Variants in ERG observed in about 807,000 individuals in gnomAD.
The protein encoded by ERG is ETS transcription factor ERG, also known as transcriptional regulator ERG.
ERG carries 9 observed loss-of-function variants against 55.3 expected under a neutral mutation model. The observed-to-expected ratio is 0.16, with a 90% CI of 0.10 to 0.28. The LOEUF (loss-of-function observed/expected upper bound fraction) is 0.28. ERG is among the 10% of genes least tolerant of loss of function. ERG has a pLI of 1.00. For synonymous variants in ERG, 223 were observed against 237.3 expected (o/e 0.94, Z 0.55); for missense variants, 434 against 631.6 (o/e 0.69, Z 3.35).
At position 38,616,448 on chromosome 21, in the gene ERG, A is replaced by C. The variant is rs536480701; in HGVS notation, c.-149-31503T>G. The stretch of plus-strand genomic sequence containing the variant: ...TAATTTTGCATACCTTTGAACTGAG[A>C]CTCAGAAAAAAATGTTTTCATGAAT... On this transcript the variant is annotated intron_variant, in intron 1 of 10. Transcript: ENST00000398910. 9.2e-5 allele frequency among the ~76,000 whole-genome samples: 14 copies of C among 152,144 alleles called. No homozygotes were observed. In the East Asian group the frequency reaches 2.7e-3, roughly 29 times the overall value.
At chr21:38,467,943 T>G (rs2059105069) in intron 1 of ERG, among the ~76,000 whole-genome samples, 1 of 152,238 alleles carries the variant, frequency 6.6e-6, no homozygotes, top group Admixed American at 6.5e-5. Flanking sequence ...ATGCATGCTG[T>G]AGCCTGTTAC....
In ERG at chr21:38,597,647, G is replaced by A. The variant is rs574641700; in HGVS notation, c.-149-12702C>T. On this transcript the variant is annotated intron_variant, in intron 1 of 10. Transcript: ENST00000398910. ...ACGAGGCATGAGCTTGGACAGGGCTGTCATCATCAGCAGGCACTTCCCAAA... is the reference window on the plus strand; with the variant it reads ...ACGAGGCATGAGCTTGGACAGGGCTATCATCATCAGCAGGCACTTCCCAAA... Among the ~76,000 whole-genome samples, 7 of 152,270 alleles carry A rather than the reference G, an allele frequency of 4.6e-5. No individual in the cohort carries two copies. In the South Asian group the frequency reaches 1.4e-3, roughly 32 times the overall value.
chr21:38,640,773 A>G (rs891089911), intron 1 of ERG, among the ~76,000 whole-genome samples: 1 of 152,188 alleles, frequency 6.6e-6, no homozygotes, highest in Non-Finnish European at 1.5e-5. Flanking sequence ...ACAAAGTCCA[A>G]ATGAAAAGCT....
At chr21:38,543,032 C>G (rs911347768) in intron 2 of ERG, among the ~76,000 whole-genome samples, 1 of 152,164 alleles carries the variant, frequency 6.6e-6, no homozygotes, top group Non-Finnish European at 1.5e-5. Flanking sequence ...TTTAGCCCTA[C>G]AGATGGGTGG....
At chr21:38,446,961 C>T (rs1303596629) in intron 1 of ERG, among the ~76,000 whole-genome samples, 1 of 152,082 alleles carries the variant, frequency 6.6e-6, no homozygotes, top group Non-Finnish European at 1.5e-5. Context: ...TAAATTAGCA[C>T]CCTCTTCCCC....
At chr21:38,572,949 A>G (rs1307926534) in intron 2 of ERG, among the ~76,000 whole-genome samples, 1 of 152,246 alleles carries the variant, frequency 6.6e-6, no homozygotes, top group Non-Finnish European at 1.5e-5. Context: ...CCTGTACTTT[A>G]AACAATTGCT....
At chr21:38,474,679 T>A (rs185888339) in intron 1 of ERG, among the ~76,000 whole-genome samples, 2 of 152,054 alleles carry the variant, frequency 1.3e-5, no homozygotes, top group African/African-American at 4.8e-5. Flanking sequence ...TGGAAGGTGG[T>A]GACTATATAG....
intron 5 of ERG, among the ~76,000 whole-genome samples, chr21:38,402,303 C>T (rs575519258): frequency 4.1e-4 from 63 of 152,250 alleles, no homozygotes; most frequent in Middle Eastern, 6.8e-3. Flanking sequence ...TGGCTAAAGG[C>T]AAATTCTGCA....
chr21:38,512,093 C>G (rs1029141529), intron 2 of ERG, among the ~76,000 whole-genome samples: 1 of 152,138 alleles, frequency 6.6e-6, no homozygotes, highest in Non-Finnish European at 1.5e-5. Flanking sequence ...ATCACATAAA[C>G]CAACAGCTGG....
chr21:38,533,251 A>T (rs2059685360), intron 2 of ERG, among the ~76,000 whole-genome samples: 1 of 151,952 alleles, frequency 6.6e-6, no homozygotes, highest in African/African-American at 2.4e-5. Flanking sequence ...TGTTCTTACC[A>T]TAGAATTCCA....
intron 6 of ERG, among the ~76,000 whole-genome samples, chr21:38,399,001 T>C (rs1446357161): frequency 2.6e-5 from 4 of 152,358 alleles, no homozygotes; most frequent in Non-Finnish European, 5.9e-5. Flanking sequence ...GGAAATATTT[T>C]TTAAATGCTC....
At chr21:38,471,807 C>G (rs2059141729) in intron 1 of ERG, 1 of 152,150 alleles carries the variant, frequency 6.6e-6, no homozygotes, top group African/African-American at 2.4e-5. Flanking sequence ...GAAAGTAATT[C>G]CTTTTCTAAT....
At chr21:38,530,197 C>CTA (rs961287708) in intron 2 of ERG, among the ~76,000 whole-genome samples, 1 of 151,920 alleles carries the variant, frequency 6.6e-6, no homozygotes, top group Admixed American at 6.5e-5. Context: ...GTAGCTGAGA[C>CTA]TATAGGCGCA....
At chr21:38,478,221 G>C (rs1299814360) in intron 1 of ERG, among the ~76,000 whole-genome samples, 1 of 152,256 alleles carries the variant, frequency 6.6e-6, no homozygotes, top group African/African-American at 2.4e-5. Flanking sequence ...CCTGGGACAA[G>C]ATATCCTGGC....
At chr21:38,524,811 A>C (rs1212822586) in intron 2 of ERG, among the ~76,000 whole-genome samples, 1 of 152,226 alleles carries the variant, frequency 6.6e-6, no homozygotes, top group Non-Finnish European at 1.5e-5. Context: ...TTTATTCTGG[A>C]AATGTTTAAA....
At chr21:38,434,350 C>T (rs546842723) in intron 2 of ERG, among the ~76,000 whole-genome samples, 2 of 152,280 alleles carry the variant, frequency 1.3e-5, no homozygotes, top group Admixed American at 1.3e-4. Context: ...TTGCTACTCC[C>T]TCTGCCTTCA....
rs540613073 is a variant in ERG at position 38,612,863 on chromosome 21, G to A, written c.-149-27918C>T. Among the ~76,000 whole-genome samples, 29 of 152,022 alleles carry A rather than the reference G, an allele frequency of 1.9e-4. No individual in the cohort carries two copies. The South Asian group carries it at 3.9e-3, about 21-fold the overall frequency. ...TTTTTAGTAGAGATGGGGTTTCACC[G>A]TGTTAGCCAGAATGGTCTCGATCTC... On this transcript the variant is annotated intron_variant, in intron 1 of 10. Transcript: ENST00000398910.
Position 38,429,424 on chromosome 21 carries a change from T to C in ERG, c.237-5863A>G, listed in dbSNP as rs1016532940. 6.3e-5 allele frequency among the ~76,000 whole-genome samples: 5 copies of C among 79,150 alleles called. 1 individual carries two copies. Among genetic ancestry groups the C allele is most frequent in the African/African-American group, 1.9e-4 (5 of 25,890 alleles). The allele number at this position is 79,150 out of a possible 152,430, so 51.9% of individuals were successfully genotyped here. Reference sequence around the variant, plus strand: ...ACATGTACATACGCACATATAAACATGTGTGTATACATGTATACACGTGTA... The same window carrying C: ...ACATGTACATACGCACATATAAACACGTGTGTATACATGTATACACGTGTA... On this transcript the variant is annotated intron_variant, in intron 2 of 9. Transcript: ENST00000288319.
chr21:38,452,376 C>T (rs1736620982), intron 1 of ERG, among the ~76,000 whole-genome samples: 1 of 152,106 alleles, frequency 6.6e-6, no homozygotes, highest in Non-Finnish European at 1.5e-5. Flanking sequence ...CATGCATATA[C>T]ACAAATACAT....
Sources: gnomAD v4.1 joint callset for allele counts (sites outside exome capture counted in the v4.1 genomes callset) on GRCh38, gnomAD v4.1.1 for gene constraint, MANE v1.5 for transcripts, NCBI Gene and HGNC (gene_info 2026-07-23, HGNC 2026-07-21) for gene names.